CLCN4: variants seen among roughly 807,000 people sequenced by gnomAD.
The protein encoded by CLCN4 is H(+)/Cl(-) exchange transporter 4.
CLCN4 carries 1 observed loss-of-function variant against 41.7 expected under a neutral mutation model. The observed-to-expected ratio is 0.02, with a 90% CI of 0.01 to 0.11. CLCN4 has a LOEUF of 0.11. CLCN4 is among the 10% of genes least tolerant of loss of function. CLCN4 has a pLI of 1.00. For missense variants in CLCN4, 287 were observed against 661.0 expected (o/e 0.43, Z 6.20); for synonymous variants, 277 against 285.8 (o/e 0.97, Z 0.31).
chrX:10,190,315 C>T lies in CLCN4; in HGVS notation c.244+2701C>T, dbSNP rs768413336. ...TTTGCCATTAAAATAACGGCATGAT[C>T]GGATCTTTAATTAGCTCGATCAAGT... On this transcript the variant is annotated intron_variant, in intron 4 of 12. Transcript: ENST00000380833. Among the ~76,000 whole-genome samples, 433 of 111,775 alleles carry T rather than the reference C, an allele frequency of 3.9e-3. 2 individuals carry two copies. The highest frequency in any genetic ancestry group is 6.1e-3 in the Non-Finnish European group (324 of 53,149).
intron 8 of CLCN4, 148 bp downstream of exon 8, chrX:10,206,924 T>TTTTTGC: frequency 4.4e-6 from 2 of 450,395 alleles, no homozygotes; most frequent in Non-Finnish European, 7.3e-6. Context: ...TTTGTTTTTG[T>TTTTTGC]TTTTGTTTTT....
rs375487350 is a variant in CLCN4, at chrX:10,207,688, G to A, written c.844-357G>A. ...TACAAATGCATTCACTGGGCTGCAC[G>A]TGACTTGCAGCCCAGAGTTTTCCAA... On this transcript the variant is annotated intron_variant, in intron 8 of 12. Coordinates refer to ENST00000380833, the MANE Select transcript of CLCN4 (RefSeq NM_001830.4). 8.9e-5 allele frequency among the ~76,000 whole-genome samples: 10 copies of A among 112,131 alleles called. No homozygotes were observed. The South Asian group carries it at 3.7e-3, about 42-fold the overall frequency.
At chrX:10,195,826 A>G (rs762105421) in intron 5 of CLCN4, among the ~76,000 whole-genome samples, 5 of 112,293 alleles carry the variant, frequency 4.5e-5, no homozygotes, top group African/African-American at 1.6e-4. Flanking sequence ...CCATTACTTC[A>G]TTTTTTTATG....
At chrX:10,229,417 T>G (rs1031512256) in intron 12 of CLCN4, among the ~76,000 whole-genome samples, 1 of 109,442 alleles carries the variant, frequency 9.1e-6, no homozygotes, top group Non-Finnish European at 1.9e-5. Context: ...TATTATACTT[T>G]AAGTTCTAGG....
intron 8 of CLCN4, among the ~76,000 whole-genome samples, chrX:10,207,102 T>C (rs1924416480): frequency 9.0e-6 from 1 of 110,648 alleles, no homozygotes; most frequent in Admixed American, 9.6e-5. Context: ...GTGTTTTTAG[T>C]AGAGATGGGG....
At chrX:10,233,128 C>A (rs1917199835) in intron 12 of CLCN4, among the ~76,000 whole-genome samples, 1 of 111,902 alleles carries the variant, frequency 8.9e-6, no homozygotes, top group Non-Finnish European at 1.9e-5. Context: ...TGGCCTAATG[C>A]AATAAAGGTT....
chrX:10,196,687 T>A (rs16985989), intron 5 of CLCN4, among the ~76,000 whole-genome samples: 1 of 110,732 alleles, frequency 9.0e-6, no homozygotes, highest in Non-Finnish European at 1.9e-5. Context: ...AAATCTCACA[T>A]GTTCTCAGTG....
At chrX:10,173,671 G>C (rs1033627660) in intron 2 of CLCN4, among the ~76,000 whole-genome samples, 8 of 112,148 alleles carry the variant, frequency 7.1e-5, no homozygotes, top group African/African-American at 2.3e-4. Flanking sequence ...TGCCTCTGCG[G>C]GGGCGGGAGC....
chrX:10,193,494 A>G (rs951192653), intron 4 of CLCN4, among the ~76,000 whole-genome samples: 8 of 111,801 alleles, frequency 7.2e-5, no homozygotes, highest in Middle Eastern at 4.7e-3. Context: ...GAGGAGTCAG[A>G]GCAAACCAGA....
At chrX:10,159,359 G>A (rs1923036862) in intron 2 of CLCN4, among the ~76,000 whole-genome samples, 1 of 111,310 alleles carries the variant, frequency 9.0e-6, no homozygotes, top group Non-Finnish European at 1.9e-5. Flanking sequence ...GCTGAATGGA[G>A]AGGCTTGATG....
chrX:10,234,815 G>A lies in CLCN4; in HGVS notation c.*1231G>A, dbSNP rs990329124. 9 of 112,245 alleles carry A rather than the reference G, an allele frequency of 8.0e-5. No individual in the cohort carries two copies. The highest frequency in any genetic ancestry group is 2.9e-4 in the African/African-American group (9 of 30,893). The allele number at this position is 112,245 out of a possible 1,213,427, so 9.3% of individuals were successfully genotyped here. A position where few individuals can be genotyped will look rare whatever the true frequency, so the allele number is the denominator to read the frequency against. On this transcript the variant is annotated 3_prime_UTR_variant, in exon 13 of 13. Coordinates refer to ENST00000380833, the MANE Select transcript of CLCN4 (RefSeq NM_001830.4). Reference sequence around the variant, plus strand: ...GGGCATCTTTGTATTTGAACTTAACGACACATTTACTCTTTTAGTCAGGAT... The same window carrying A: ...GGGCATCTTTGTATTTGAACTTAACAACACATTTACTCTTTTAGTCAGGAT...
rs368113028 is a variant in CLCN4, at chrX:10,206,895, GT to G, written c.843+129del. On this transcript the variant is annotated intron_variant, in intron 8 of 12. Transcript: ENST00000380833. ...TAATTAAGGAGCCACAATTTCCACTGTTTTTTTTTTGTTTTGTTTTTGTTTT... is the reference window on the plus strand; with the variant it reads ...TAATTAAGGAGCCACAATTTCCACTGTTTTTTTTTGTTTTGTTTTTGTTTT... The G allele has an allele frequency of 1.0e-3, 415 of 413,054 alleles. 1 individual carries two copies. Among genetic ancestry groups the G allele is most frequent in the African/African-American group, 5.5e-3 (177 of 32,130 alleles). The allele number at this position is 413,054 out of a possible 1,213,427, so 34.0% of individuals were successfully genotyped here. A position where few individuals can be genotyped will look rare whatever the true frequency, so the allele number is the denominator to read the frequency against.
chrX:10,195,185 T>C, intron 5 of CLCN4, 87 bp downstream of exon 5: 2 of 934,499 alleles, frequency 2.1e-6, no homozygotes, highest in Non-Finnish European at 1.5e-6. Flanking sequence ...TGAATGTCTG[T>C]GATTTCACCT....
intron 9 of CLCN4, among the ~76,000 whole-genome samples, chrX:10,210,650 CTTTTTTTTTTT>C (rs34763016): frequency 2.7e-5 from 2 of 75,048 alleles, no homozygotes; most frequent in East Asian, 4.4e-4. Context: ...CCTGAATTGT[CTTTTTTTTTTT>C]TTTTTTTTTT....
At chrX:10,202,228 C>G (rs1924255154) in intron 6 of CLCN4, among the ~76,000 whole-genome samples, 1 of 110,767 alleles carries the variant, frequency 9.0e-6, no homozygotes, top group African/African-American at 3.3e-5. Context: ...AATCCCAGCA[C>G]TTTGGGAGGC....
At chrX:10,216,918 T>TATATATATATATATATATACACACAC (rs773265490) in intron 11 of CLCN4, among the ~76,000 whole-genome samples, 1 of 38,929 alleles carries the variant, frequency 2.6e-5, no homozygotes, top group African/African-American at 1.1e-4. Context: ...TATATATATA[T>TATATATATATATATATATACACACAC]ACACACACAC....
intron 6 of CLCN4, among the ~76,000 whole-genome samples, chrX:10,205,071 C>T (rs73197841): frequency 1.2e-3 from 129 of 110,925 alleles, no homozygotes; most frequent in Non-Finnish European, 2.1e-3. Context: ...AAGGTTGGTT[C>T]ATGCAGATTT....
intron 2 of CLCN4, 53 bp from the exon 3 acceptor site, chrX:10,184,969 C>T (rs1262736289): frequency 9.7e-7 from 1 of 1,025,984 alleles, no homozygotes; most frequent in African/African-American, 1.9e-5. Context: ...ATTCTTCTTG[C>T]ATGGCCATGG....
rs1021911708 is a variant in CLCN4 at position 10,235,892 on chromosome X, G to A, written c.*2308G>A. 8.9e-6 allele frequency: 1 copy of A among 112,381 alleles called. No individual in the cohort carries two copies. The highest frequency in any genetic ancestry group is 9.4e-5 in the Admixed American group (1 of 10,595). The allele number at this position is 112,381 out of a possible 1,213,427, so 9.3% of individuals were successfully genotyped here. On this transcript the variant is annotated 3_prime_UTR_variant, in exon 13 of 13. Coordinates refer to ENST00000380833, the MANE Select transcript of CLCN4 (RefSeq NM_001830.4). ...TCATTGTCGTATTTATAGCACGTAA[G>A]CCTTGAGTAACAGGTCTTAATGTTA...
Sources: gnomAD v4.1 joint callset for allele counts (sites outside exome capture counted in the v4.1 genomes callset) on GRCh38, gnomAD v4.1.1 for gene constraint, MANE v1.5 for transcripts, NCBI Gene and HGNC (gene_info 2026-07-23, HGNC 2026-07-21) for gene names.